The following SACS variants were observed in gnomAD, a reference collection of about 807,000 sequenced individuals.
SACS encodes sacsin molecular chaperone.
A neutral mutation model predicts 348.0 loss-of-function variants in SACS; 197 were observed. The ratio of observed to expected loss-of-function variants is 0.57; its 90% CI spans 0.50 to 0.64. SACS has a LOEUF of 0.64. Ranked by LOEUF, SACS falls within the 30% of genes least tolerant of loss-of-function variation. The pLI is 0.00. For missense variants in SACS, 4,999 were observed against 5,360.8 expected (o/e 0.93, Z 2.11); for synonymous variants, 1,985 against 1,910.6 (o/e 1.04, Z -1.02).
intron 2 of SACS, among the ~76,000 whole-genome samples, chr13:23,382,509 TG>T (rs1872101335): frequency 6.6e-6 from 1 of 151,974 alleles, no homozygotes; most frequent in African/African-American, 2.4e-5. Flanking sequence ...AGTTATAAAA[TG>T]AAAAAAAGTT....
Position 23,330,278 on chromosome 13 carries a change from C to A in SACS, c.13598G>T (p.Ser4533Ile). Residue 4533 changes from serine (S) to isoleucine (I), a missense_variant, in exon 10 of 10, where the codon AGT becomes ATT. Ser to Ile is a moderately radical substitution (Grantham distance 142). This residue lies in a region of SACS where 254 missense variants were observed against 275.1 expected (regional missense o/e 0.92). Transcript: ENST00000382292. ...VHTLEAYGVD[S>I]LKTRYPDLLP... ...CAAATCAGGGTATCTTGTTTTTAAA[C>A]TGTCTACACCATAAGCTTCCAATGT... The A allele has an allele frequency of 6.2e-7, 1 of 1,614,194 alleles. No homozygotes were observed. Among genetic ancestry groups the A allele is most frequent in the Non-Finnish European group, 8.5e-7 (1 of 1,180,002 alleles).
At chr13:23,381,051 C>T (rs1324188887) in intron 2 of SACS, among the ~76,000 whole-genome samples, 1 of 152,182 alleles carries the variant, frequency 6.6e-6, no homozygotes, top group African/African-American at 2.4e-5. Context: ...GAAAATGAGA[C>T]ATTATCATCC....
In SACS at chr13:23,339,818, T is replaced by C; in HGVS notation, c.4058A>G (p.Lys1353Arg). The C allele has an allele frequency of 5.6e-6, 9 of 1,613,148 alleles. No homozygotes were observed. The highest frequency in any genetic ancestry group is 7.6e-6 in the Non-Finnish European group (9 of 1,179,530). ...ATTCAACATAAGATGAAGATTTTGTTTGCTTTCTTGTTCACTGAGATCTTG... is the reference window on the plus strand; with the variant it reads ...ATTCAACATAAGATGAAGATTTTGTCTGCTTTCTTGTTCACTGAGATCTTG... ...SDQDLSEQES[K>R]QNLHLMLNII... The change falls in exon 10 of 10, where the codon AAA (lysine) becomes AGA (arginine). Residue 1353 changes from lysine to arginine, a missense_variant. Lys to Arg is a conservative substitution (Grantham distance 26). Around this residue, in one of 6 missense-constraint regions of SACS, gnomAD observed 3,156 missense variants for 3,380.1 expected, o/e 0.93. Coordinates refer to ENST00000382292, the MANE Select transcript of SACS (RefSeq NM_014363.6).
rs199696650 is a variant in SACS at position 23,334,630 on chromosome 13, A to G, written c.9246T>C (p.Cys3082=). 68 of 1,613,454 alleles carry G rather than the reference A, an allele frequency of 4.2e-5. No individual in the cohort carries two copies. The South Asian group carries it at 7.1e-4, about 17-fold the overall frequency. ...TAACAGGAATATCTGCATCTATAAG[A>G]CAGTGGTAAAGATTAGCAGTTTCAT... is the stretch of plus-strand genomic sequence containing the variant. The part of the protein sequence containing the change: ...NCDETANLYH[C]LIDADIPVSY... The change falls in exon 10 of 10, where the codon TGT becomes TGC. Residue 3082 remains cysteine, a synonymous_variant. Transcript: ENST00000382292.
In SACS at chr13:23,331,032, CAGAGA is replaced by C. The variant is rs761200300; in HGVS notation, c.12839_12843del (p.Phe4280TrpfsTer2). 1 of 1,614,016 alleles carries C rather than the reference CAGAGA, an allele frequency of 6.2e-7. No individual in the cohort carries two copies. The highest frequency in any genetic ancestry group is 2.2e-5 in the East Asian group (1 of 44,860). The stretch of plus-strand genomic sequence containing the variant: ...GAAGAAGTCTTGTGGCTCTCTCTAC[CAGAGA>C]AAAGAGGAGGAATGCTTCTCAGGCC... On this transcript the variant is annotated frameshift_variant, in exon 10 of 10. Coordinates refer to ENST00000382292, the MANE Select transcript of SACS (RefSeq NM_014363.6). LOFTEE classifies it high-confidence loss of function.
chr13:23,389,055 T>G (rs1245525066), intron 2 of SACS, among the ~76,000 whole-genome samples: 5 of 152,120 alleles, frequency 3.3e-5, no homozygotes, highest in African/African-American at 1.2e-4. Context: ...ATTCTTTATA[T>G]ATTTATTAAT....
intron 2 of SACS, 111 bp downstream of exon 2, chr13:23,411,109 T>C (rs1194246525): frequency 1.1e-6 from 1 of 881,190 alleles, no homozygotes; most frequent in African/African-American, 1.6e-5. Context: ...TAGTTCACTT[T>C]TACCTCTCGA....
Position 23,392,942 on chromosome 13 carries a change from G to A in SACS, c.21-17673C>T, listed in dbSNP as rs538749502. Among the ~76,000 whole-genome samples, 30 of 152,276 alleles carry A rather than the reference G, an allele frequency of 2.0e-4. No homozygotes were observed. The South Asian group carries it at 6.2e-3, about 32-fold the overall frequency. ...AAATACTGGGCAGGACTGAGTTCAT[G>A]CATAGTCACCTCCCTCCCAGAAAAC... On this transcript the variant is annotated intron_variant, in intron 2 of 9. Transcript: ENST00000382292.
chr13:23,354,146 C>G (rs1804253863), intron 8 of SACS, among the ~76,000 whole-genome samples: 1 of 152,146 alleles, frequency 6.6e-6, no homozygotes, highest in Admixed American at 6.5e-5. Flanking sequence ...TGTCAGTACA[C>G]TCTCGTTTAT....
intron 2 of SACS, among the ~76,000 whole-genome samples, chr13:23,392,703 T>C (rs1872572943): frequency 6.6e-6 from 1 of 152,230 alleles, no homozygotes; most frequent in East Asian, 1.9e-4. Flanking sequence ...TAAAAGTTTA[T>C]GCTCTTTCCA....
chr13:23,430,472 C>G (rs151202185), intron 1 of SACS, among the ~76,000 whole-genome samples: 1 of 151,982 alleles, frequency 6.6e-6, no homozygotes, highest in Non-Finnish European at 1.5e-5. Flanking sequence ...ATGTTTATGT[C>G]TTATGCAATA....
chr13:23,341,911 C>T (rs1040343379), intron 9 of SACS, among the ~76,000 whole-genome samples: 30 of 151,592 alleles, frequency 2.0e-4, no homozygotes, highest in Middle Eastern at 3.4e-3. Context: ...CTCAGCCTCC[C>T]GAGTAGCTGG....
chr13:23,340,258 A>G lies in SACS; in HGVS notation c.3618T>C (p.His1206=), dbSNP rs771089482. The part of the protein sequence containing the change: ...GSSLPLVESI[H]VNLEKALGIF... ...TCCCTAATGCTTTTTCCAGGTTTAC[A>G]TGGATACTTTCAACAAGAGGAAGTG... is the stretch of plus-strand genomic sequence containing the variant. Residue 1206 remains histidine (H), a synonymous_variant, in exon 10 of 10, where the codon CAT becomes CAC. Transcript: ENST00000382292. The G allele has an allele frequency of 1.9e-6, 3 of 1,612,238 alleles. No homozygotes were observed. Among genetic ancestry groups the G allele is most frequent in the African/African-American group, 2.7e-5 (2 of 74,930 alleles).
intron 2 of SACS, among the ~76,000 whole-genome samples, chr13:23,376,722 G>A (rs1433358569): frequency 1.3e-5 from 2 of 152,294 alleles, no homozygotes; most frequent in Non-Finnish European, 2.9e-5. Flanking sequence ...TGGTGATTCA[G>A]TATAAAGACA....
Position 23,336,273 on chromosome 13 carries a change from T to C in SACS, c.7603A>G (p.Ile2535Val). Residue 2535 changes from isoleucine (I) to valine (V), a missense_variant, in exon 10 of 10, where the codon ATC becomes GTC. Around this residue, in one of 6 missense-constraint regions of SACS, gnomAD observed 3,156 missense variants for 3,380.1 expected, o/e 0.93. Coordinates refer to ENST00000382292, the MANE Select transcript of SACS (RefSeq NM_014363.6). ...KEKLTSRIKS[I>V]LNAYPSEKEM... ...TTTTCAGAAGGATATGCATTAAGGA[T>C]GCTCTTAATTCTGCTGGTCAATTTT... 6.2e-7 allele frequency: 1 copy of C among 1,614,098 alleles called. No homozygotes were observed. The highest frequency in any genetic ancestry group is 8.5e-7 in the Non-Finnish European group (1 of 1,179,958).
In SACS at chr13:23,362,578, T is replaced by G. The variant is rs894553176; in HGVS notation, c.457+2588A>C. Among the ~76,000 whole-genome samples, 3 of 146,938 alleles carry G rather than the reference T, an allele frequency of 2.0e-5. No homozygotes were observed. In the Admixed American group the frequency reaches 2.1e-4, roughly 10 times the overall value. On this transcript the variant is annotated intron_variant, in intron 6 of 9. Transcript: ENST00000382292. ...CTGCCACCTGCTTTTATATAATACA[T>G]TCCTTTTTTTTTTTTTTTTTTTTTT...
At chr13:23,407,804 CA>C (rs1358959302) in intron 2 of SACS, among the ~76,000 whole-genome samples, 2 of 152,190 alleles carry the variant, frequency 1.3e-5, no homozygotes, top group Admixed American at 6.6e-5. Context: ...TGCATCCCGC[CA>C]AGTCAGTTCA....
At position 23,339,617 on chromosome 13, in the gene SACS, A is replaced by T; in HGVS notation, c.4259T>A (p.Ile1420Asn). ...DLLEDSVEPIILVHEDIPMKT... is the reference protein window; with the variant it reads ...DLLEDSVEPINLVHEDIPMKT... ...CATGGGTATGTCCTCATGCACCAAA[A>T]TGATTGGTTCCACAGAATCTTCAAG... The change falls in exon 10 of 10, where the codon ATT (isoleucine) becomes AAT (asparagine). Residue 1420 changes from isoleucine (I) to asparagine (N), a missense_variant. Ile to Asn is a moderately radical substitution (Grantham distance 149). Coordinates refer to ENST00000382292, the MANE Select transcript of SACS (RefSeq NM_014363.6). 6.2e-7 allele frequency: 1 copy of T among 1,611,630 alleles called. No individual in the cohort carries two copies. The highest frequency in any genetic ancestry group is 8.5e-7 in the Non-Finnish European group (1 of 1,178,066).
intron 1 of SACS, among the ~76,000 whole-genome samples, chr13:23,432,475 G>A (rs1046418800): frequency 8.5e-5 from 13 of 152,158 alleles, no homozygotes; most frequent in Admixed American, 4.6e-4. Flanking sequence ...ACTGGGGATC[G>A]TTGTCACAGC....
Sources: allele counts gnomAD v4.1 joint callset (sites outside exome capture counted in the v4.1 genomes callset), GRCh38; gene constraint gnomAD v4.1.1; regional missense constraint gnomAD v4.1.1; transcripts MANE v1.5; gene names NCBI Gene and HGNC (gene_info 2026-07-23, HGNC 2026-07-21).